Variants in RABGAP1L observed in about 807,000 individuals in gnomAD.
The protein encoded by RABGAP1L is rab GTPase-activating protein 1-like.
A neutral mutation model predicts 137.7 loss-of-function variants in RABGAP1L; 63 were observed. The ratio of observed to expected loss-of-function variants is 0.46; its 90% CI spans 0.37 to 0.56. The LOEUF is 0.56. RABGAP1L is among the 20% of genes least tolerant of loss of function. RABGAP1L has a pLI of 0.00. For synonymous variants in RABGAP1L, 431 were observed against 433.7 expected, an observed-to-expected ratio of 0.99 and a Z score of 0.08; for missense variants, 1,095 against 1,244.0, an observed-to-expected ratio of 0.88 and a Z score of 1.80.
At chr1:174,883,839 A>T (rs1654650026) in intron 19 of RABGAP1L, among the ~76,000 whole-genome samples, 1 of 152,216 alleles carries the variant, frequency 6.6e-6, no homozygotes, top group Non-Finnish European at 1.5e-5. Context: ...TCACAAAGGG[A>T]ATATACATTA....
chr1:174,515,180 T>A (rs1372511470), intron 13 of RABGAP1L, among the ~76,000 whole-genome samples: 2 of 152,178 alleles, frequency 1.3e-5, no homozygotes, highest in African/African-American at 2.4e-5. Flanking sequence ...CAACTGAAAT[T>A]TTGTATCCTA....
chr1:174,548,266 CTT>C (rs1572274766), intron 13 of RABGAP1L: 1 of 1,368,220 alleles, frequency 7.3e-7, no homozygotes, highest in African/African-American at 1.5e-5. Flanking sequence ...TTTTTAAACT[CTT>C]TGCTATATAA....
chr1:174,526,880 G>A (rs1235769359), intron 13 of RABGAP1L, among the ~76,000 whole-genome samples: 1 of 151,880 alleles, frequency 6.6e-6, no homozygotes, highest in South Asian at 2.1e-4. Flanking sequence ...GGTTTGGTTT[G>A]TTCTTGCTCT....
intron 17 of RABGAP1L, among the ~76,000 whole-genome samples, chr1:174,710,703 G>A (rs1212270217): frequency 6.6e-6 from 1 of 152,142 alleles, no homozygotes; most frequent in South Asian, 2.1e-4. Context: ...ACCAGTACCA[G>A]CCACTGCAAA....
intron 14 of RABGAP1L, among the ~76,000 whole-genome samples, chr1:174,654,364 A>G (rs1425069498): frequency 6.6e-6 from 1 of 152,208 alleles, no homozygotes; most frequent in African/African-American, 2.4e-5. Flanking sequence ...GATATTTTAG[A>G]TGAAAATTTA....
At chr1:174,319,365 G>A (rs899954168) in intron 11 of RABGAP1L, among the ~76,000 whole-genome samples, 96 of 152,176 alleles carry the variant, frequency 6.3e-4, no homozygotes, top group African/African-American at 2.1e-3. Flanking sequence ...AGCAGTTGAC[G>A]TCTTGTATAT....
chr1:174,946,355 G>GGTAGCT (rs780600320), intron 19 of RABGAP1L, among the ~76,000 whole-genome samples: 3 of 152,006 alleles, frequency 2.0e-5, no homozygotes, highest in Non-Finnish European at 4.4e-5. Context: ...AGACCTTTTG[G>GGTAGCT]GTAGCTGGGT....
At chr1:174,538,065 C>T (rs887999826) in intron 13 of RABGAP1L, among the ~76,000 whole-genome samples, 1 of 152,190 alleles carries the variant, frequency 6.6e-6, no homozygotes, top group Admixed American at 6.5e-5. Flanking sequence ...CTACAATCTG[C>T]CCTGAACCTC....
At chr1:174,812,290 T>C (rs996143583) in intron 19 of RABGAP1L, among the ~76,000 whole-genome samples, 2 of 152,230 alleles carry the variant, frequency 1.3e-5, no homozygotes, top group African/African-American at 2.4e-5. Flanking sequence ...TTTAAGATTA[T>C]TTAGGACAAA....
chr1:174,618,776 C>A (rs1420858188), intron 13 of RABGAP1L, among the ~76,000 whole-genome samples: 2 of 152,210 alleles, frequency 1.3e-5, no homozygotes, highest in African/African-American at 4.8e-5. Context: ...AGCAATGGAA[C>A]TAAGCTGGAT....
At chr1:174,809,717 G>C (rs1289193620) in intron 18 of RABGAP1L, among the ~76,000 whole-genome samples, 7 of 152,194 alleles carry the variant, frequency 4.6e-5, no homozygotes, top group Non-Finnish European at 8.8e-5. Context: ...GTCTGGAATT[G>C]TCCAAACCAC....
At chr1:174,800,864 A>G (rs1188470205) in intron 18 of RABGAP1L, among the ~76,000 whole-genome samples, 1 of 152,228 alleles carries the variant, frequency 6.6e-6, no homozygotes, top group African/African-American at 2.4e-5. Context: ...AAATTTTACA[A>G]CAGACATAGC....
intron 13 of RABGAP1L, among the ~76,000 whole-genome samples, chr1:174,607,546 T>C (rs1049424086): frequency 1.3e-5 from 2 of 152,174 alleles, no homozygotes; most frequent in African/African-American, 4.8e-5. Flanking sequence ...CTTTGTTGTT[T>C]AAAGACTCAA....
At chr1:174,358,149 C>CTT (rs554396896) in intron 11 of RABGAP1L, among the ~76,000 whole-genome samples, 3 of 146,346 alleles carry the variant, frequency 2.0e-5, no homozygotes, top group Admixed American at 6.8e-5. Context: ...GGAAAAGAGA[C>CTT]TTTTTTTTTT....
chr1:174,878,843 A>G (rs1653609418), intron 19 of RABGAP1L, among the ~76,000 whole-genome samples: 1 of 151,982 alleles, frequency 6.6e-6, no homozygotes, highest in African/African-American at 2.4e-5. Context: ...GAACTGTAAG[A>G]TAATTGAGAA....
chr1:174,276,671 C>T (rs1027401975), intron 9 of RABGAP1L, among the ~76,000 whole-genome samples: 10 of 151,948 alleles, frequency 6.6e-5, no homozygotes, highest in South Asian at 2.1e-4. Context: ...TTTTGGCCTT[C>T]GGGATGCTTG....
intron 19 of RABGAP1L, among the ~76,000 whole-genome samples, chr1:174,951,175 G>A (rs927922788): frequency 6.6e-6 from 1 of 152,074 alleles, no homozygotes; most frequent in African/African-American, 2.4e-5. Flanking sequence ...CTGTTATTGC[G>A]CTTATGAAAC....
At chr1:174,845,272 A>T (rs1693935603) in intron 19 of RABGAP1L, among the ~76,000 whole-genome samples, 1 of 108,424 alleles carries the variant, frequency 9.2e-6, no homozygotes, top group Non-Finnish European at 2.1e-5. Context: ...GTTGAATAGG[A>T]GCGGTGAGAG....
intron 19 of RABGAP1L, among the ~76,000 whole-genome samples, chr1:174,829,956 G>A (rs564686623): frequency 6.7e-6 from 1 of 148,180 alleles, no homozygotes; most frequent in East Asian, 2.1e-4. Flanking sequence ...AAACTTACAG[G>A]TTTAAAACAA....
Sources: allele counts gnomAD v4.1 joint callset (sites outside exome capture counted in the v4.1 genomes callset), GRCh38; gene constraint gnomAD v4.1.1; transcripts MANE v1.5; gene names NCBI Gene and HGNC (gene_info 2026-07-23, HGNC 2026-07-21).